The following ANKRD18B variants were observed in gnomAD, a reference collection of about 807,000 sequenced individuals.
ANKRD18B encodes the protein ankyrin repeat domain 18B, also known as ankyrin repeat domain-containing protein 18B.
In ANKRD18B, 75 loss-of-function variants were observed where a neutral mutation model predicts 111.8. The ratio of observed to expected loss-of-function variants is 0.67; its 90% CI spans 0.56 to 0.81. The LOEUF is 0.81. ANKRD18B is among the 40% of genes least tolerant of loss of function. ANKRD18B has a pLI of 0.00. For missense variants in ANKRD18B, 1,038 were observed against 1,225.5 expected (o/e 0.85, Z 2.28); for synonymous variants, 356 against 417.3 (o/e 0.85, Z 1.79).
chr9:33,548,733 A>G lies in ANKRD18B; in HGVS notation c.1945A>G (p.Arg649Gly), dbSNP rs752292386. 1 of 1,550,994 alleles carries G rather than the reference A, an allele frequency of 6.4e-7. No individual in the cohort carries two copies. Among genetic ancestry groups the G allele is most frequent in the African/African-American group, 1.4e-5 (1 of 73,012 alleles). The change falls in exon 11 of 19, where the codon AGA (arginine) becomes GGA (glycine). Residue 649 changes from arginine (R) to glycine (G), a missense_variant. This residue lies in a region of ANKRD18B where 524 missense variants were observed against 677.9 expected (regional missense o/e 0.77). Coordinates refer to ENST00000684830, the MANE Select transcript of ANKRD18B (RefSeq NM_001393611.1). ...TAAAGAGATAGTCATTAATATCCAC[A>G]GAGACTGTCTTGAGAATGGAAAGGA... ...DNKEIVINIH[R>G]DCLENGKEDL...
intron 2 of ANKRD18B, 45 bp from the exon 3 acceptor site, chr9:33,528,955 G>A: frequency 6.2e-7 from 1 of 1,605,160 alleles, no homozygotes; most frequent in Non-Finnish European, 8.5e-7. Flanking sequence ...TATGTATTTT[G>A]AATTCTTAGA....
At position 33,548,419 on chromosome 9, in the gene ANKRD18B, C is replaced by A. The variant is rs1421561011; in HGVS notation, c.1631C>A (p.Thr544Asn). 1 of 1,551,136 alleles carries A rather than the reference C, an allele frequency of 6.4e-7. No individual in the cohort carries two copies. Among genetic ancestry groups the A allele is most frequent in the South Asian group, 1.2e-5 (1 of 83,946 alleles). The stretch of plus-strand genomic sequence containing the variant: ...CTAACAGATAAGAATGAGTTGCTTA[C>A]TGAACAGGTCCATAAAGCTCGGGTG... ...SQLTDKNELL[T>N]EQVHKARVKF... Residue 544 changes from threonine (T) to asparagine (N), a missense_variant, in exon 11 of 19, where the codon ACT (threonine) becomes AAT (asparagine). Physicochemically the swap from Thr to Asn is moderately conservative, Grantham distance 65. Coordinates refer to ENST00000684830, the MANE Select transcript of ANKRD18B (RefSeq NM_001393611.1).
chr9:33,550,440 G>A lies in ANKRD18B; in HGVS notation c.2078G>A (p.Arg693Lys), dbSNP rs553843331. 4 of 1,538,194 alleles carry A rather than the reference G, an allele frequency of 2.6e-6. No homozygotes were observed. The African/African-American group carries it at 5.5e-5, about 21-fold the overall frequency. ...AAAATATTTTGTCAGGTGATTGTGA[G>A]AGAATTTCAAGAAGAACTGGTCGAT... Reference protein sequence around the residue: ...KEKAEREVIVREFQEELVDHL... With the variant: ...KEKAEREVIVKEFQEELVDHL... Residue 693 changes from arginine to lysine, a missense_variant, in exon 12 of 19, where the codon AGA (arginine) becomes AAA (lysine). By Grantham distance (26) the Arg-to-Lys change is conservative. This residue lies in a region of ANKRD18B where 524 missense variants were observed against 677.9 expected (regional missense o/e 0.77). Transcript: ENST00000684830.
chr9:33,560,727 G>A lies in ANKRD18B; in HGVS notation c.2460+2540G>A, dbSNP rs149872062. On this transcript the variant is annotated intron_variant, in intron 14 of 18. Transcript: ENST00000684830. ...TGTAATCCCAGCACTTTGGGAGGCC[G>A]AGGCAGGTGGATCACGAGGTCAGGA... 5.8e-3 allele frequency among the ~76,000 whole-genome samples: 878 copies of A among 152,242 alleles called. 4 individuals are homozygous for A. Among genetic ancestry groups the A allele is most frequent in the African/African-American group, 0.02 (835 of 41,538 alleles).
intron 5 of ANKRD18B, among the ~76,000 whole-genome samples, chr9:33,536,037 G>C (rs1828195876): frequency 1.3e-5 from 2 of 151,924 alleles, no homozygotes; most frequent in Admixed American, 1.3e-4. Flanking sequence ...TTGTATGCCA[G>C]TTGGAGAGGA....
chr9:33,562,906 A>T (rs905766021), intron 14 of ANKRD18B, among the ~76,000 whole-genome samples: 8 of 152,248 alleles, frequency 5.3e-5, no homozygotes, highest in African/African-American at 1.9e-4. Context: ...AATTGAAATC[A>T]GGTAAATGTC....
chr9:33,543,133 A>G (rs1375670189), intron 9 of ANKRD18B, 52 bp from the exon 10 acceptor site: 41 of 1,436,294 alleles, frequency 2.9e-5, no homozygotes, highest in Non-Finnish European at 3.7e-5. Context: ...TTTTATAAAG[A>G]TTATAGTTTT....
chr9:33,524,719 G>A lies in ANKRD18B; in HGVS notation c.206+24G>A, dbSNP rs559549580. ...AGGTAGCGGGGGCTCAGCCCTCGGTGGGAGGGGGCCCCCAGGCCCGGTTTC... is the reference window on the plus strand; with the variant it reads ...AGGTAGCGGGGGCTCAGCCCTCGGTAGGAGGGGGCCCCCAGGCCCGGTTTC... On this transcript the variant is annotated intron_variant, in intron 1 of 18. Transcript: ENST00000684830. 3 of 1,543,664 alleles carry A rather than the reference G, an allele frequency of 1.9e-6. No homozygotes were observed. The South Asian group carries it at 3.6e-5, about 19-fold the overall frequency.
chr9:33,567,529 C>CT (rs1451500758), intron 16 of ANKRD18B, among the ~76,000 whole-genome samples: 1 of 150,284 alleles, frequency 6.7e-6, no homozygotes, highest in African/African-American at 2.4e-5. Context: ...TTTTGTGTGG[C>CT]TTTTTTCCCT....
chr9:33,560,049 C>T (rs1828583720), intron 14 of ANKRD18B, among the ~76,000 whole-genome samples: 1 of 152,170 alleles, frequency 6.6e-6, no homozygotes, highest in Non-Finnish European at 1.5e-5. Flanking sequence ...AAGTGGTCGA[C>T]TGGGACTGGC....
chr9:33,557,295 C>A (rs1828540870), intron 13 of ANKRD18B, among the ~76,000 whole-genome samples: 1 of 151,956 alleles, frequency 6.6e-6, no homozygotes, highest in Non-Finnish European at 1.5e-5. Context: ...TGTCCTTGTG[C>A]TTTTTGGGTG....
At position 33,552,666 on chromosome 9, in the gene ANKRD18B, G is replaced by A. The variant is rs533165154; in HGVS notation, c.2217+2087G>A. Among the ~76,000 whole-genome samples the A allele has an allele frequency of 1.2e-4, 18 of 152,232 alleles. 1 individual carries two copies. The East Asian group carries it at 2.3e-3, about 20-fold the overall frequency. On this transcript the variant is annotated intron_variant, in intron 12 of 18. Transcript: ENST00000684830. Reference sequence around the variant, plus strand: ...CATTTGCTGCCACTTTCAGTGGTGTGAAGAATGATTCAGTGCATCTATAGG... The same window carrying A: ...CATTTGCTGCCACTTTCAGTGGTGTAAAGAATGATTCAGTGCATCTATAGG...
rs186966718 is a variant in ANKRD18B, at chr9:33,541,666, G to A, written c.1078+439G>A. 4.4e-4 allele frequency among the ~76,000 whole-genome samples: 67 copies of A among 152,268 alleles called. No individual in the cohort carries two copies. In the East Asian group the frequency reaches 0.012, roughly 26 times the overall value. ...TTAACTATGATAGCAACATTATACT[G>A]TAGCCTGGGTGGCAGAGTGAGACCC... On this transcript the variant is annotated intron_variant, in intron 9 of 18. Transcript: ENST00000684830.
intron 1 of ANKRD18B, among the ~76,000 whole-genome samples, chr9:33,527,921 C>CCTAA (rs900700328): frequency 6.6e-6 from 1 of 152,070 alleles, no homozygotes; most frequent in African/African-American, 2.4e-5. Flanking sequence ...TAAAATGTGA[C>CCTAA]CTAATCTTTA....
At chr9:33,567,043 C>A (rs1828695440) in intron 15 of ANKRD18B, 60 bp from the exon 16 acceptor site, 3 of 1,461,298 alleles carry the variant, frequency 2.1e-6, no homozygotes, top group African/African-American at 1.5e-5. Context: ...TGAAAGGCAA[C>A]AAACATATGG....
At chr9:33,569,063 T>C in intron 17 of ANKRD18B, 170 bp downstream of exon 17, 6 of 580,326 alleles carry the variant, frequency 1.0e-5, no homozygotes, top group Non-Finnish European at 1.6e-5. Context: ...TTTAATTCCC[T>C]GGAGCTCTCA....
intron 15 of ANKRD18B, chr9:33,566,894 A>G (rs781244259): frequency 9.2e-6 from 5 of 542,906 alleles, no homozygotes; most frequent in South Asian, 5.3e-5. Context: ...TAATACTAAC[A>G]TAATTATGAT....
chr9:33,535,135 C>T (rs1462706203), intron 5 of ANKRD18B, among the ~76,000 whole-genome samples: 1 of 151,846 alleles, frequency 6.6e-6, no homozygotes, highest in Non-Finnish European at 1.5e-5. Flanking sequence ...CTGTTGTTTC[C>T]ATTGATTCAC....
chr9:33,528,674 T>G, intron 1 of ANKRD18B, 53 bp from the exon 2 acceptor site: 1 of 1,409,416 alleles, frequency 7.1e-7, no homozygotes. Context: ...TGAACCATTG[T>G]AGGTTTTGAG....
Sources: gnomAD v4.1 joint callset for allele counts (sites outside exome capture counted in the v4.1 genomes callset) on GRCh38, gnomAD v4.1.1 for gene constraint, gnomAD v4.1.1 regional missense constraint, MANE v1.5 for transcripts, NCBI Gene and HGNC (gene_info 2026-07-23, HGNC 2026-07-21) for gene names.